Variants in VTI1A observed in about 807,000 individuals in gnomAD.
The protein encoded by VTI1A is vesicle transport through interaction with t-SNAREs homolog 1A.
VTI1A carries 22 observed loss-of-function variants against 34.9 expected under a neutral mutation model. The ratio of observed to expected loss-of-function variants is 0.63; its 90% CI spans 0.45 to 0.90. The LOEUF is 0.90. Among genes scored for constraint, VTI1A ranks in the 40% least tolerant of loss-of-function variants. The pLI, the probability that VTI1A is intolerant of heterozygous loss-of-function variation, is 0.00. For missense variants in VTI1A, 268 were observed against 275.6 expected (o/e 0.97, Z 0.20); for synonymous variants, 87 against 97.3 (o/e 0.89, Z 0.62).
intron 5 of VTI1A, among the ~76,000 whole-genome samples, chr10:112,587,145 T>C (rs1469004208): frequency 6.6e-6 from 1 of 152,188 alleles, no homozygotes; most frequent in Non-Finnish European, 1.5e-5. Context: ...TGCAATAATG[T>C]TTTAATTAAA....
chr10:112,753,293 A>C (rs1851169365), intron 7 of VTI1A, among the ~76,000 whole-genome samples: 1 of 151,192 alleles, frequency 6.6e-6, no homozygotes, highest in Non-Finnish European at 1.5e-5. Flanking sequence ...AATAATAATA[A>C]TACAACCTGG....
chr10:112,608,152 C>T (rs984519756), intron 5 of VTI1A, among the ~76,000 whole-genome samples: 48 of 152,290 alleles, frequency 3.2e-4, no homozygotes, highest in Admixed American at 1.6e-3. Flanking sequence ...CAGACACTCA[C>T]GTTACAGCTT....
At chr10:112,474,450 A>G (rs571242529) in intron 3 of VTI1A, among the ~76,000 whole-genome samples, 21 of 147,468 alleles carry the variant, frequency 1.4e-4, no homozygotes, top group African/African-American at 5.0e-4. Flanking sequence ...TCTTTTCTTC[A>G]TTCTTTCCTT....
At chr10:112,659,419 ACAACCT>A (rs1473802805) in intron 5 of VTI1A, among the ~76,000 whole-genome samples, 1 of 152,200 alleles carries the variant, frequency 6.6e-6, no homozygotes, top group Non-Finnish European at 1.5e-5. Flanking sequence ...CTTTTGTTTA[ACAACCT>A]CAATTTACAT....
chr10:112,558,336 C>A (rs144306843), intron 5 of VTI1A, among the ~76,000 whole-genome samples: 2 of 152,130 alleles, frequency 1.3e-5, no homozygotes, highest in Non-Finnish European at 2.9e-5. Flanking sequence ...AAAAGTCATG[C>A]CCTTTAATAA....
chr10:112,718,284 A>G (rs373608936), intron 7 of VTI1A, among the ~76,000 whole-genome samples: 1 of 152,326 alleles, frequency 6.6e-6, no homozygotes, highest in East Asian at 1.9e-4. Context: ...TACTCTCATA[A>G]CAAGTTTGGT....
chr10:112,560,884 A>G (rs1372270085), intron 5 of VTI1A, among the ~76,000 whole-genome samples: 1 of 152,094 alleles, frequency 6.6e-6, no homozygotes, highest in Non-Finnish European at 1.5e-5. Flanking sequence ...GGCGTGAGCC[A>G]CCGCGCCTGG....
At chr10:112,600,188 C>A (rs1420295691) in intron 5 of VTI1A, among the ~76,000 whole-genome samples, 1 of 151,982 alleles carries the variant, frequency 6.6e-6, no homozygotes, top group Non-Finnish European at 1.5e-5. Flanking sequence ...ATAATGCACC[C>A]CTCCCTCAAA....
At chr10:112,455,376 T>C (rs568020725) in intron 1 of VTI1A, among the ~76,000 whole-genome samples, 8 of 3,332 alleles carry the variant, frequency 2.4e-3, no homozygotes, top group East Asian at 6.2e-3. Flanking sequence ...CTTCTTCCCT[T>C]CTTCCCTCCT....
intron 7 of VTI1A, among the ~76,000 whole-genome samples, chr10:112,710,086 C>T (rs1022349726): frequency 6.0e-5 from 9 of 150,142 alleles, no homozygotes; most frequent in Non-Finnish European, 1.2e-4. Context: ...ATACAGCTCT[C>T]ATATTTGAAT....
At chr10:112,791,387 C>T (rs995553523) in intron 7 of VTI1A, among the ~76,000 whole-genome samples, 1 of 152,064 alleles carries the variant, frequency 6.6e-6, no homozygotes, top group African/African-American at 2.4e-5. Context: ...AGGGGGGTAG[C>T]ACTGCTTGTT....
At chr10:112,493,771 G>A (rs1308054676) in intron 3 of VTI1A, among the ~76,000 whole-genome samples, 2 of 152,068 alleles carry the variant, frequency 1.3e-5, no homozygotes, top group African/African-American at 4.8e-5. Context: ...TGCATTAATT[G>A]ATTTTTAGAT....
intron 7 of VTI1A, among the ~76,000 whole-genome samples, chr10:112,753,652 T>A (rs1442892865): frequency 6.6e-6 from 1 of 152,248 alleles, no homozygotes; most frequent in African/African-American, 2.4e-5. Flanking sequence ...GAAAAGAGAC[T>A]ATGCAAGAGC....
intron 5 of VTI1A, among the ~76,000 whole-genome samples, chr10:112,625,668 A>G (rs1006943895): frequency 9.0e-5 from 12 of 133,284 alleles, no homozygotes; most frequent in South Asian, 2.3e-4. Context: ...ACCAAACATC[A>G]TATCTTCTCA....
At chr10:112,453,416 C>T (rs576527260) in intron 1 of VTI1A, among the ~76,000 whole-genome samples, 5 of 152,218 alleles carry the variant, frequency 3.3e-5, no homozygotes, top group African/African-American at 1.2e-4. Flanking sequence ...CACTCTACCT[C>T]CTTGAAGCCA....
chr10:112,543,205 G>T (rs576205794), intron 5 of VTI1A, among the ~76,000 whole-genome samples: 2 of 152,258 alleles, frequency 1.3e-5, no homozygotes, highest in African/African-American at 4.8e-5. Flanking sequence ...TAATGGGATC[G>T]CTGAGTCAAA....
chr10:112,602,684 T>C (rs1243787467), intron 5 of VTI1A, among the ~76,000 whole-genome samples: 1 of 152,186 alleles, frequency 6.6e-6, no homozygotes, highest in East Asian at 1.9e-4. Context: ...AGGCAGCCTT[T>C]AGGAAGCAGC....
At chr10:112,573,335 TCCCGTTTTCCTGTCTAGTA>T (rs2134371982) in intron 5 of VTI1A, among the ~76,000 whole-genome samples, 1 of 152,298 alleles carries the variant, frequency 6.6e-6, no homozygotes, top group East Asian at 1.9e-4. Flanking sequence ...CTCTTTATTG[TCCCGTTTTCCTGTCTAGTA>T]CCCTGCACTT....
intron 3 of VTI1A, among the ~76,000 whole-genome samples, chr10:112,518,581 CTCTCTCTCTA>C (rs1350358872): frequency 0.011 from 901 of 84,092 alleles, 4 homozygotes; most frequent in South Asian, 0.018. Context: ...CTCTCTCTCT[CTCTCTCTCTA>C]TATATATATA....
Sources: gnomAD v4.1 joint callset for allele counts (sites outside exome capture counted in the v4.1 genomes callset) on GRCh38, gnomAD v4.1.1 for gene constraint, MANE v1.5 for transcripts, NCBI Gene and HGNC (gene_info 2026-07-23, HGNC 2026-07-21) for gene names.